TAF1B: variants seen among roughly 807,000 people sequenced by gnomAD.
TAF1B encodes the protein TATA box-binding protein-associated factor RNA polymerase I subunit B.
TAF1B carries 61 observed loss-of-function variants against 83.9 expected under a neutral mutation model. The observed-to-expected ratio is 0.73, with a 90% CI of 0.59 to 0.90. The LOEUF is 0.90. Among genes scored for constraint, TAF1B ranks in the 40% least tolerant of loss-of-function variants. The pLI is 0.00. For synonymous variants in TAF1B, 221 were observed against 224.6 expected (o/e 0.98, Z 0.14); for missense variants, 625 against 677.0 (o/e 0.92, Z 0.85).
chr2:9,868,116 G>C (rs911747815), intron 5 of TAF1B, among the ~76,000 whole-genome samples, 160 bp from the exon 6 acceptor site: 2 of 152,222 alleles, frequency 1.3e-5, no homozygotes, highest in African/African-American at 4.8e-5. Context: ...GCTGGGAGCT[G>C]TCAGGAGCGT....
intron 8 of TAF1B, among the ~76,000 whole-genome samples, chr2:9,884,563 C>T (rs1443546692): frequency 6.6e-6 from 1 of 152,230 alleles, no homozygotes; most frequent in East Asian, 1.9e-4. Flanking sequence ...CCAGGGTATC[C>T]TGATGAGCGT....
At position 9,911,542 on chromosome 2, in the gene TAF1B, G is replaced by T; in HGVS notation, c.1165G>T (p.Glu389Ter). 1 of 1,518,366 alleles carries T rather than the reference G, an allele frequency of 6.6e-7. No individual in the cohort carries two copies. The highest frequency in any genetic ancestry group is 8.9e-7 in the Non-Finnish European group (1 of 1,126,670). The allele number at this position is 1,518,366 out of a possible 1,614,324, so 94.1% of individuals were successfully genotyped here. The change falls in exon 11 of 15, where the codon GAA becomes TAA. Residue 389 changes from glutamate to a stop codon, truncating the protein, a stop_gained. Coordinates refer to ENST00000263663, the MANE Select transcript of TAF1B (RefSeq NM_005680.3). LOFTEE classifies it high-confidence loss of function. The stretch of plus-strand genomic sequence containing the variant: ...GTCTAATCTTGCTGAAAAGCATAAT[G>T]AAAAGAACAAAAAAGGTATTTTAAT... Reference protein sequence around the residue: ...SLSNLAEKHNEKNKKDKPWFD... With the variant: ...SLSNLAEKHN
intron 6 of TAF1B, chr2:9,868,911 A>G: frequency 2.9e-6 from 1 of 339,900 alleles, no homozygotes; most frequent in Non-Finnish European, 5.7e-6. Flanking sequence ...TAAGGAATGT[A>G]TTTAAGATTA....
chr2:9,933,631 C>A, intron 14 of TAF1B, 152 bp from the exon 15 acceptor site: 1 of 633,810 alleles, frequency 1.6e-6, no homozygotes, highest in Non-Finnish European at 2.7e-6. Flanking sequence ...AAGGAGTTAA[C>A]AAATTCTTCT....
intron 8 of TAF1B, among the ~76,000 whole-genome samples, chr2:9,893,560 G>A (rs140218934): frequency 0.012 from 1,821 of 152,204 alleles, 13 homozygotes; most frequent in Non-Finnish European, 0.016. Flanking sequence ...GTGGTGGCTC[G>A]CCCTGTAGTC....
intron 5 of TAF1B, among the ~76,000 whole-genome samples, chr2:9,867,561 T>C (rs1169985623): frequency 6.6e-6 from 1 of 152,234 alleles, no homozygotes; most frequent in Non-Finnish European, 1.5e-5. Flanking sequence ...CTTATCTTCC[T>C]GTAATAAGAT....
At chr2:9,910,637 CA>C in intron 9 of TAF1B, 98 bp from the exon 10 acceptor site, 1 of 1,023,394 alleles carries the variant, frequency 9.8e-7, no homozygotes, top group Non-Finnish European at 1.4e-6. Context: ...TGAGTTCTTG[CA>C]TAGTGTCGTG....
intron 8 of TAF1B, among the ~76,000 whole-genome samples, chr2:9,888,095 A>T (rs941507471): frequency 6.6e-5 from 10 of 152,072 alleles, no homozygotes; most frequent in Non-Finnish European, 1.5e-4. Flanking sequence ...TAATAATTTC[A>T]TTTTATCTCC....
chr2:9,894,045 T>C (rs1295993984), intron 8 of TAF1B, among the ~76,000 whole-genome samples: 2 of 152,166 alleles, frequency 1.3e-5, no homozygotes, highest in African/African-American at 4.8e-5. Context: ...CAGTATGTCA[T>C]GCATGATTTG....
chr2:9,875,123 G>A (rs557033627), intron 6 of TAF1B, among the ~76,000 whole-genome samples: 50 of 151,926 alleles, frequency 3.3e-4, no homozygotes, highest in African/African-American at 1.2e-3. Flanking sequence ...CACTACACCC[G>A]GCTAATTTTT....
chr2:9,846,326 C>T (rs1053187310), intron 2 of TAF1B: 1 of 332,928 alleles, frequency 3.0e-6, no homozygotes, highest in South Asian at 2.5e-5. Flanking sequence ...GGTGAACACA[C>T]CTTCGGGCCA....
intron 6 of TAF1B, 123 bp downstream of exon 6, chr2:9,868,552 G>A: frequency 3.7e-6 from 5 of 1,346,818 alleles, no homozygotes; most frequent in Non-Finnish European, 5.2e-6. Flanking sequence ...AATCTAGCAA[G>A]GAAGAATGAC....
chr2:9,906,154 A>G (rs4669490), intron 9 of TAF1B, among the ~76,000 whole-genome samples: 1 of 151,948 alleles, frequency 6.6e-6, no homozygotes, highest in African/African-American at 2.4e-5. Flanking sequence ...TTATGGAAGG[A>G]ATACCAGGGA....
chr2:9,862,067 C>A (rs1417183634), intron 5 of TAF1B, among the ~76,000 whole-genome samples: 1 of 152,104 alleles, frequency 6.6e-6, no homozygotes, highest in Non-Finnish European at 1.5e-5. Flanking sequence ...CAGCTCTTCA[C>A]CAGCAACAGA....
intron 6 of TAF1B, among the ~76,000 whole-genome samples, chr2:9,871,509 A>G (rs1664167602): frequency 1.3e-5 from 2 of 152,190 alleles, no homozygotes; most frequent in South Asian, 2.1e-4. Flanking sequence ...TTTATTTCAC[A>G]GAGAATATTA....
chr2:9,854,663 AAC>A (rs1663501219), intron 5 of TAF1B, among the ~76,000 whole-genome samples: 1 of 151,634 alleles, frequency 6.6e-6, no homozygotes, highest in Non-Finnish European at 1.5e-5. Context: ...GACTAGTTGA[AAC>A]ATAAAGGAAT....
chr2:9,878,728 G>GA lies in TAF1B; in HGVS notation c.707+2712dup, dbSNP rs1341937302. On this transcript the variant is annotated intron_variant, in intron 7 of 14. Coordinates refer to ENST00000263663, the MANE Select transcript of TAF1B (RefSeq NM_005680.3). ...ATCTAGACCCTTGCGATGCAGTTGT[G>GA]AATCATATAGGTCAAGTCCTTGCTC... 3.9e-5 allele frequency among the ~76,000 whole-genome samples: 6 copies of GA among 152,288 alleles called. No homozygotes were observed. The East Asian group carries it at 1.2e-3, about 29-fold the overall frequency.
intron 8 of TAF1B, among the ~76,000 whole-genome samples, chr2:9,887,051 GA>G (rs1218459710): frequency 6.7e-6 from 1 of 149,060 alleles, no homozygotes; most frequent in Non-Finnish European, 1.5e-5. Context: ...GCAACAGAGT[GA>G]GACTCTGTCT....
intron 8 of TAF1B, among the ~76,000 whole-genome samples, chr2:9,899,412 A>C (rs932241863): frequency 1.3e-5 from 2 of 152,212 alleles, no homozygotes; most frequent in Non-Finnish European, 2.9e-5. Context: ...TATATATACT[A>C]CTTGCTAATA....
Sources: allele counts gnomAD v4.1 joint callset (sites outside exome capture counted in the v4.1 genomes callset), GRCh38; gene constraint gnomAD v4.1.1; transcripts MANE v1.5; gene names NCBI Gene and HGNC (gene_info 2026-07-23, HGNC 2026-07-21).